The following SEC61A2 variants were observed in gnomAD, a reference collection of about 807,000 sequenced individuals.
SEC61A2 encodes the protein SEC61 translocon subunit alpha 2, also known as protein transport protein Sec61 subunit alpha isoform 2.
In SEC61A2, 28 loss-of-function variants were observed where a neutral mutation model predicts 59.9. That is an observed-to-expected ratio of 0.47 (90% CI 0.35 to 0.64). SEC61A2 has a LOEUF of 0.64. Among genes scored for constraint, SEC61A2 ranks in the 30% least tolerant of loss-of-function variants. SEC61A2 has a pLI of 0.01. For synonymous variants in SEC61A2, 202 were observed against 214.4 expected, an observed-to-expected ratio of 0.94 and a Z score of 0.50; for missense variants, 340 against 585.9, an observed-to-expected ratio of 0.58 and a Z score of 4.33.
At position 12,156,512 on chromosome 10, in the gene SEC61A2, AG is replaced by A. The variant is rs1199076482; in HGVS notation, c.617-393del. Among the ~76,000 whole-genome samples the A allele has an allele frequency of 3.3e-5, 5 of 152,244 alleles. No homozygotes were observed. The highest frequency in any genetic ancestry group is 1.2e-4 in the African/African-American group (5 of 41,472). ...TTCTTGGTGCGGTAAACTTCGAGGCAGGCTCGATAGAGTGACATCTGTCTCT... is the reference window on the plus strand; with the variant it reads ...TTCTTGGTGCGGTAAACTTCGAGGCAGCTCGATAGAGTGACATCTGTCTCT... On this transcript the variant is annotated intron_variant, in intron 7 of 11. Coordinates refer to ENST00000298428, the MANE Select transcript of SEC61A2 (RefSeq NM_018144.4). This position sits in a 1 kb window ranked among gnomAD's most constrained non-coding sequence, Gnocchi z 5.2.
In SEC61A2 at chr10:12,133,311, A is replaced by G; in HGVS notation, c.75+3A>G. The stretch of plus-strand genomic sequence containing the variant: ...AAATTCAGAAACCGGAAAGGAAAGT[A>G]AGTATAATATTTTAGTAATATAGAG... On this transcript the variant is annotated splice_donor_region_variant and intron_variant, in intron 2 of 11. Coordinates refer to ENST00000298428, the MANE Select transcript of SEC61A2 (RefSeq NM_018144.4). 1.3e-6 allele frequency: 2 copies of G among 1,501,950 alleles called. No individual in the cohort carries two copies. The highest frequency in any genetic ancestry group is 1.8e-6 in the Non-Finnish European group (2 of 1,081,416). The allele number at this position is 1,501,950 out of a possible 1,614,324, so 93.0% of individuals were successfully genotyped here. A position where few individuals can be genotyped will look rare whatever the true frequency, so the allele number is the denominator to read the frequency against.
rs549883493 is a variant in SEC61A2 at position 12,156,302 on chromosome 10, T to C, written c.616+371T>C. Among the ~76,000 whole-genome samples, 10 of 152,366 alleles carry C rather than the reference T, an allele frequency of 6.6e-5. No homozygotes were observed. Among genetic ancestry groups the C allele is most frequent in the Non-Finnish European group, 1.3e-4 (9 of 68,040 alleles). ...TTTCAAATGAAAAGACTGTTGTTCA[T>C]TGAATCCACCTGGAGCACTCCTACT... is the stretch of plus-strand genomic sequence containing the variant. On this transcript the variant is annotated intron_variant, in intron 7 of 11. Transcript: ENST00000298428. The surrounding 1 kb of genome is among the most constrained non-coding windows in gnomAD (Gnocchi z 5.2).
At chr10:12,157,413 C>G (rs1046067333) in intron 8 of SEC61A2, among the ~76,000 whole-genome samples, 4 of 151,340 alleles carry the variant, frequency 2.6e-5, no homozygotes, top group Non-Finnish European at 5.9e-5. Flanking sequence ...TTAGCTCACT[C>G]TAACCTCCTC....
Position 12,165,093 on chromosome 10 carries a change from C to G in SEC61A2, c.*639C>G. 1.0e-6 allele frequency: 1 copy of G among 986,886 alleles called. No homozygotes were observed. The highest frequency in any genetic ancestry group is 1.2e-6 in the Non-Finnish European group (1 of 830,432). 61.1% of individuals were successfully genotyped at this position (986,886 alleles called of 1,614,324 possible). A position where few individuals can be genotyped will look rare whatever the true frequency, so the allele number is the denominator to read the frequency against. On this transcript the variant is annotated 3_prime_UTR_variant, in exon 12 of 12. Coordinates refer to ENST00000298428, the MANE Select transcript of SEC61A2 (RefSeq NM_018144.4). Reference sequence around the variant, plus strand: ...TCCTCCTTTTCCTTCTCCTCCTCCTCTCTTCCCAGTGACAGCATCATCGTG... The same window carrying G: ...TCCTCCTTTTCCTTCTCCTCCTCCTGTCTTCCCAGTGACAGCATCATCGTG...
At position 12,136,148 on chromosome 10, in the gene SEC61A2, T is replaced by C. The variant is rs1283449623; in HGVS notation, c.119T>C (p.Phe40Ser). Residue 40 changes from phenylalanine to serine, a missense_variant, in exon 3 of 12, where the codon TTC (phenylalanine) becomes TCC (serine). By Grantham distance (155) the Phe-to-Ser change is radical. Around this residue, in one of 3 missense-constraint regions of SEC61A2, gnomAD observed 41 missense variants for 47.6 expected, o/e 0.86. Coordinates refer to ENST00000298428, the MANE Select transcript of SEC61A2 (RefSeq NM_018144.4). ...GTTCTGTGGACTGCTATAACGCTCT[T>C]CATTTTCTTAGTGTGTTGTCAGGTA... ...EKVLWTAITL[F>S]IFLVCCQIPL... The C allele has an allele frequency of 6.3e-6, 10 of 1,598,170 alleles. No individual in the cohort carries two copies. Among genetic ancestry groups the C allele is most frequent in the Non-Finnish European group, 8.6e-6 (10 of 1,165,556 alleles).
chr10:12,167,202 T>G (rs188472466), downstream of SEC61A2: 10 of 159,094 alleles, frequency 6.3e-5, no homozygotes, highest in Admixed American at 5.4e-4. Context: ...TGGATTCAAC[T>G]ACCCTAGATA....
rs1366921513 is a variant in SEC61A2 at position 12,158,769 on chromosome 10, CAT to C, written c.975+665_975+666del. Among the ~76,000 whole-genome samples the C allele has an allele frequency of 8.5e-5, 13 of 152,188 alleles. No homozygotes were observed. Among genetic ancestry groups the C allele is most frequent in the African/African-American group, 3.1e-4 (13 of 41,540 alleles). On this transcript the variant is annotated intron_variant, in intron 9 of 11. Coordinates refer to ENST00000298428, the MANE Select transcript of SEC61A2 (RefSeq NM_018144.4). The surrounding 1 kb of genome is among the most constrained non-coding windows in gnomAD (Gnocchi z 5.7). ...AAAAAATGCTATTTGCTGCTGCTAACATGTGAGATACTGGACTCATCCTAACC... is the reference window on the plus strand; with the variant it reads ...AAAAAATGCTATTTGCTGCTGCTAACGTGAGATACTGGACTCATCCTAACC...
intron 8 of SEC61A2, 120 bp from the exon 9 acceptor site, chr10:12,157,788 C>A (rs758202510): frequency 1.9e-5 from 17 of 895,720 alleles, no homozygotes; most frequent in Middle Eastern, 5.5e-4. Flanking sequence ...GGCCTGAGCC[C>A]CTGTGCCCGG....
chr10:12,150,887 G>A (rs779010232), intron 6 of SEC61A2, among the ~76,000 whole-genome samples: 3 of 151,368 alleles, frequency 2.0e-5, no homozygotes, highest in Admixed American at 1.3e-4. Flanking sequence ...CAATTCTCCT[G>A]CCTCAGCCTC....
rs1460809379 is a variant in SEC61A2, at chr10:12,149,830, C to T, written c.353-22C>T. On this transcript the variant is annotated intron_variant, in intron 5 of 11. Transcript: ENST00000298428. The surrounding 1 kb of genome is among the most constrained non-coding windows in gnomAD (Gnocchi z 5.2). ...TGTCTTTGGTGGTAAGCGTGCTCTCCTTTCCCCCCAACTTTCATCAGTGTT... is the reference window on the plus strand; with the variant it reads ...TGTCTTTGGTGGTAAGCGTGCTCTCTTTTCCCCCCAACTTTCATCAGTGTT... The T allele has an allele frequency of 3.1e-6, 5 of 1,611,172 alleles. No individual in the cohort carries two copies. The highest frequency in any genetic ancestry group is 3.4e-6 in the Non-Finnish European group (4 of 1,177,774).
chr10:12,158,585 C>T lies in SEC61A2; in HGVS notation c.975+480C>T, dbSNP rs926412260. Among the ~76,000 whole-genome samples, 13 of 152,010 alleles carry T rather than the reference C, an allele frequency of 8.6e-5. 1 individual carries two copies. The highest frequency in any genetic ancestry group is 3.9e-4 in the Admixed American group (6 of 15,248). Reference sequence around the variant, plus strand: ...TCTCCACTAAAAATACAAAAATTAGCCAGGTGTGGTGGCAGGTGCTTGTAG... The same window carrying T: ...TCTCCACTAAAAATACAAAAATTAGTCAGGTGTGGTGGCAGGTGCTTGTAG... On this transcript the variant is annotated intron_variant, in intron 9 of 11. Coordinates refer to ENST00000298428, the MANE Select transcript of SEC61A2 (RefSeq NM_018144.4). The surrounding 1 kb of genome is among the most constrained non-coding windows in gnomAD (Gnocchi z 5.7).
At chr10:12,151,117 A>G (rs1229603973) in intron 6 of SEC61A2, among the ~76,000 whole-genome samples, 1 of 150,930 alleles carries the variant, frequency 6.6e-6, no homozygotes, top group Non-Finnish European at 1.5e-5. Flanking sequence ...CTATTTCTCT[A>G]TTGTACAATC....
intron 9 of SEC61A2, among the ~76,000 whole-genome samples, chr10:12,159,560 C>T (rs544008295): frequency 3.4e-4 from 51 of 152,080 alleles, no homozygotes; most frequent in Admixed American, 2.8e-3. Context: ...CACAGTGTTA[C>T]GTGCCTGTAG....
chr10:12,167,626 C>T (rs1834735427), downstream of SEC61A2: 2 of 1,391,742 alleles, frequency 1.4e-6, no homozygotes, highest in Non-Finnish European at 2.0e-6. Context: ...CTACATTAAA[C>T]TAAGTTGAAT....
intron 6 of SEC61A2, among the ~76,000 whole-genome samples, chr10:12,150,214 T>TA (rs1344322265): frequency 1.3e-5 from 2 of 152,222 alleles, no homozygotes; most frequent in African/African-American, 4.8e-5. Context: ...TACAAAGAAT[T>TA]ATGGATCAAT....
At chr10:12,133,213 G>A (rs199729761) in intron 1 of SEC61A2, 28 bp from the exon 2 acceptor site, 8 of 1,098,702 alleles carry the variant, frequency 7.3e-6, no homozygotes, top group African/African-American at 1.6e-5. Context: ...CATAATAATA[G>A]GAACATTTAT....
In SEC61A2 at chr10:12,157,924, T is replaced by C. The variant is rs1469689918; in HGVS notation, c.794T>C (p.Leu265Pro). Reference protein sequence around the residue: ...VIYFQGFRVDLPIKSARYRGQ... With the variant: ...VIYFQGFRVDPPIKSARYRGQ... ...CTTTTTTAGGGATTTCGCGTTGATC[T>C]GCCCATTAAGTCGGCCCGTTACCGA... The change falls in exon 9 of 12, where the codon CTG becomes CCG. Residue 265 changes from leucine (L) to proline (P), a missense_variant. Leu to Pro is a moderately conservative substitution (Grantham distance 98). Transcript: ENST00000298428. 6.2e-7 allele frequency: 1 copy of C among 1,614,030 alleles called. No homozygotes were observed. The highest frequency in any genetic ancestry group is 8.5e-7 in the Non-Finnish European group (1 of 1,180,044).
At position 12,149,900 on chromosome 10, in the gene SEC61A2, C is replaced by T. The variant is rs1262026166; in HGVS notation, c.401C>T (p.Thr134Met). Residue 134 changes from threonine to methionine, a missense_variant, in exon 6 of 12, where the codon ACG becomes ATG. Thr to Met is a moderately conservative substitution (Grantham distance 81, BLOSUM62 -1). Coordinates refer to ENST00000298428, the MANE Select transcript of SEC61A2 (RefSeq NM_018144.4). This position sits in a 1 kb window ranked among gnomAD's most constrained non-coding sequence, Gnocchi z 5.2. ...TIGQAIVYVM[T>M]GMYGDPAEMG... ...GGGCAAGCCATTGTGTATGTCATGACGGGGATGTATGGGGACCCTGCAGAA... is the reference window on the plus strand; with the variant it reads ...GGGCAAGCCATTGTGTATGTCATGATGGGGATGTATGGGGACCCTGCAGAA... 5.0e-6 allele frequency: 8 copies of T among 1,613,866 alleles called. No individual in the cohort carries two copies. Among genetic ancestry groups the T allele is most frequent in the Non-Finnish European group, 6.8e-6 (8 of 1,179,960 alleles).
Position 12,161,757 on chromosome 10 carries a change from T to C in SEC61A2, c.1168-456T>C, listed in dbSNP as rs1489354178. 1.3e-5 allele frequency among the ~76,000 whole-genome samples: 2 copies of C among 152,058 alleles called. No homozygotes were observed. Among genetic ancestry groups the C allele is most frequent in the African/African-American group, 4.8e-5 (2 of 41,420 alleles). On this transcript the variant is annotated intron_variant, in intron 10 of 11. Coordinates refer to ENST00000298428, the MANE Select transcript of SEC61A2 (RefSeq NM_018144.4). The surrounding 1 kb of genome is among the most constrained non-coding windows in gnomAD (Gnocchi z 5.4). Reference sequence around the variant, plus strand: ...TCCGTCTCCAAAATAAATAAATAAATAGATAAATAAAAAATTTTTAAAAAA... The same window carrying C: ...TCCGTCTCCAAAATAAATAAATAAACAGATAAATAAAAAATTTTTAAAAAA...
Sources: allele counts gnomAD v4.1 joint callset (sites outside exome capture counted in the v4.1 genomes callset), GRCh38; gene constraint gnomAD v4.1.1; regional missense constraint gnomAD v4.1.1; non-coding constraint Gnocchi (gnomAD v3.1); transcripts MANE v1.5; gene names NCBI Gene and HGNC (gene_info 2026-07-23, HGNC 2026-07-21).